UGP2: variants seen among roughly 807,000 people sequenced by gnomAD.
UGP2 encodes the protein UDP-glucose pyrophosphorylase 2.
Under a neutral mutation model 49.0 loss-of-function variants are expected in UGP2, and 40 were observed. The observed-to-expected ratio is 0.82, with a 90% CI of 0.63 to 1.06. The LOEUF is 1.06. Among genes scored for constraint, UGP2 ranks in the 50% least tolerant of loss-of-function variants. The pLI is 0.00. For missense variants in UGP2, 460 were observed against 603.5 expected (o/e 0.76, Z 2.49); for synonymous variants, 225 against 213.0 (o/e 1.06, Z -0.49).
chr2:63,864,827 C>T (rs1270191492), intron 3 of UGP2, among the ~76,000 whole-genome samples: 2 of 152,122 alleles, frequency 1.3e-5, no homozygotes, highest in Non-Finnish European at 1.5e-5. Context: ...GTTCTTCCCA[C>T]GATACATTTA....
intron 3 of UGP2, among the ~76,000 whole-genome samples, chr2:63,861,554 G>A (rs1453388772): frequency 6.6e-6 from 1 of 151,214 alleles, no homozygotes; most frequent in Non-Finnish European, 1.5e-5. Context: ...TGTGCATGGT[G>A]GCATCTACCT....
chr2:63,856,451 G>T lies in UGP2; in HGVS notation c.147+18G>T. 6.2e-7 allele frequency: 1 copy of T among 1,604,936 alleles called. No individual in the cohort carries two copies. The highest frequency in any genetic ancestry group is 8.5e-7 in the Non-Finnish European group (1 of 1,178,622). Reference sequence around the variant, plus strand: ...AATTTGAGGTAAGGAGGTTTCTACAGTGTTCCACCCCCCCGCCCCTCCCTT... The same window carrying T: ...AATTTGAGGTAAGGAGGTTTCTACATTGTTCCACCCCCCCGCCCCTCCCTT... On this transcript the variant is annotated intron_variant, in intron 2 of 9. Coordinates refer to ENST00000337130, the MANE Select transcript of UGP2 (RefSeq NM_006759.4).
At chr2:63,853,006 A>G (rs148643731) in intron 1 of UGP2, among the ~76,000 whole-genome samples, 1,570 of 152,278 alleles carry the variant, frequency 0.01, 5 homozygotes, top group Non-Finnish European at 0.017. Context: ...GAGCTCAGGA[A>G]AAAAGTTTAG....
At chr2:63,880,663 C>G (rs1575847062) in intron 3 of UGP2, among the ~76,000 whole-genome samples, 2 of 152,278 alleles carry the variant, frequency 1.3e-5, no homozygotes, top group South Asian at 4.1e-4. Context: ...GCAGTAGAGT[C>G]AAATGAAAAC....
At chr2:63,860,229 T>C (rs1253307572) in intron 3 of UGP2, among the ~76,000 whole-genome samples, 1 of 152,232 alleles carries the variant, frequency 6.6e-6, no homozygotes, top group African/African-American at 2.4e-5. Flanking sequence ...ATGTCAGCCT[T>C]ATATCAAAGG....
intron 1 of UGP2, 171 bp from the exon 2 acceptor site, chr2:63,856,135 A>G (rs1347520115): frequency 5.9e-6 from 4 of 674,604 alleles, no homozygotes. Context: ...ATGAAACTGG[A>G]GTGAAACGAG....
rs187089418 is a variant in UGP2 at position 63,879,482 on chromosome 2, C to A, written c.256-2984C>A. Among the ~76,000 whole-genome samples the A allele has an allele frequency of 1.1e-3, 164 of 152,236 alleles. 1 individual carries two copies. Among genetic ancestry groups the A allele is most frequent in the Admixed American group, 2.9e-3 (44 of 15,296 alleles). On this transcript the variant is annotated intron_variant, in intron 3 of 9. Coordinates refer to ENST00000337130, the MANE Select transcript of UGP2 (RefSeq NM_006759.4). ...TATTTGAAATAGAATATTCAAATAA[C>A]AACAAACTCAATGATATCCCTTGTT...
chr2:63,864,996 C>G (rs1478933703), intron 3 of UGP2, among the ~76,000 whole-genome samples: 1 of 152,084 alleles, frequency 6.6e-6, no homozygotes, highest in East Asian at 1.9e-4. Flanking sequence ...GACTAATTTC[C>G]CATCACTGCT....
intron 3 of UGP2, among the ~76,000 whole-genome samples, chr2:63,878,283 CAT>C (rs1274031893): frequency 3.3e-5 from 5 of 152,178 alleles, no homozygotes; most frequent in Non-Finnish European, 1.5e-5. Context: ...CCTCTTAGCT[CAT>C]AGCCAGCAGG....
rs976207044 is a variant in UGP2, at chr2:63,886,511, T to C, written c.1044T>C (p.Ile348=). 5 of 1,614,178 alleles carry C rather than the reference T, an allele frequency of 3.1e-6. No homozygotes were observed. Among genetic ancestry groups the C allele is most frequent in the South Asian group, 1.1e-5 (1 of 91,090 alleles). Residue 348 remains isoleucine (I), a synonymous_variant, in exon 7 of 10, where the codon ATT becomes ATC. Coordinates refer to ENST00000337130, the MANE Select transcript of UGP2 (RefSeq NM_006759.4). ...AVKRLQEQNA[I]DMEIIVNAKT... is the part of the protein sequence containing the mutation. ...AAAGACTGCAGGAGCAAAATGCCAT[T>C]GACATGGAAATCATTGTGAATGCAA...
chr2:63,846,943 T>G (rs1671974925), intron 1 of UGP2, among the ~76,000 whole-genome samples: 1 of 152,198 alleles, frequency 6.6e-6, no homozygotes, highest in Non-Finnish European at 1.5e-5. Context: ...CAGTCACAGT[T>G]ATAAATGTAA....
rs1333754807 is a variant in UGP2 at position 63,886,515 on chromosome 2, A to G, written c.1048A>G (p.Met350Val). The G allele has an allele frequency of 6.2e-7, 1 of 1,614,010 alleles. No homozygotes were observed. The highest frequency in any genetic ancestry group is 1.3e-5 in the African/African-American group (1 of 74,934). ...KRLQEQNAID[M>V]EIIVNAKTLD... ...ACTGCAGGAGCAAAATGCCATTGACATGGAAATCATTGTGAATGCAAAGGT... is the reference window on the plus strand; with the variant it reads ...ACTGCAGGAGCAAAATGCCATTGACGTGGAAATCATTGTGAATGCAAAGGT... Residue 350 changes from methionine to valine, a missense_variant, in exon 7 of 10, where the codon ATG (methionine) becomes GTG (valine). This residue lies in a region of UGP2 where 317 missense variants were observed against 473.0 expected (regional missense o/e 0.67). Coordinates refer to ENST00000337130, the MANE Select transcript of UGP2 (RefSeq NM_006759.4).
intron 3 of UGP2, among the ~76,000 whole-genome samples, chr2:63,874,687 G>A (rs771732212): frequency 6.6e-6 from 1 of 152,026 alleles, no homozygotes; most frequent in Admixed American, 6.5e-5. Context: ...TTGGGTCATG[G>A]GAACGGATCC....
chr2:63,881,693 G>C (rs1164875610), intron 3 of UGP2, among the ~76,000 whole-genome samples: 2 of 152,226 alleles, frequency 1.3e-5, no homozygotes, highest in Non-Finnish European at 2.9e-5. Context: ...TAAGGGAGAA[G>C]TTATAGATTA....
At chr2:63,875,281 C>T (rs1670838309) in intron 3 of UGP2, among the ~76,000 whole-genome samples, 1 of 152,160 alleles carries the variant, frequency 6.6e-6, no homozygotes. Context: ...TTCAGGCAAA[C>T]TTGCTTTTGT....
At chr2:63,842,678 CA>C in intron 1 of UGP2, 2 of 1,324,158 alleles carry the variant, frequency 1.5e-6, no homozygotes, top group Non-Finnish European at 2.0e-6. Flanking sequence ...GTTTGCGTCT[CA>C]GATTCACTTA....
chr2:63,878,787 A>G (rs932488246), intron 3 of UGP2, among the ~76,000 whole-genome samples: 4 of 152,120 alleles, frequency 2.6e-5, no homozygotes, highest in African/African-American at 4.8e-5. Flanking sequence ...GCTGTTCTCA[A>G]ACTCCTGGGC....
Position 63,890,116 on chromosome 2 carries a change from A to C in UGP2, c.1350A>C (p.Pro450=). 6.2e-7 allele frequency: 1 copy of C among 1,611,914 alleles called. No homozygotes were observed. The highest frequency in any genetic ancestry group is 8.5e-7 in the Non-Finnish European group (1 of 1,179,340). The change falls in exon 9 of 10, where the codon CCA becomes CCC. Residue 450 remains proline, a synonymous_variant. Transcript: ENST00000337130. ...QDYLRRFESI[P]DMLELDHLTV... is the part of the protein sequence containing the mutation. ...ATCTAAGAAGATTTGAAAGTATACC[A>C]GATATGCTTGAATTGGATCACCTCA...
rs1249915497 is a variant in UGP2 at position 63,891,115 on chromosome 2, CTT to C, written c.1420-4_1420-3del. ...GTACACTCTTTTGTTTTCCCTGTCA[CTT>C]AGGGAACGGTTATCATCATTGCAAA... On this transcript the variant is annotated splice_region_variant and splice_polypyrimidine_tract_variant and intron_variant, in intron 9 of 9. Coordinates refer to ENST00000337130, the MANE Select transcript of UGP2 (RefSeq NM_006759.4). The C allele has an allele frequency of 1.9e-6, 3 of 1,609,182 alleles. No homozygotes were observed. The African/African-American group carries it at 4.0e-5, about 22-fold the overall frequency.
Sources: allele counts gnomAD v4.1 joint callset (sites outside exome capture counted in the v4.1 genomes callset), GRCh38; gene constraint gnomAD v4.1.1; regional missense constraint gnomAD v4.1.1; transcripts MANE v1.5; gene names NCBI Gene and HGNC (gene_info 2026-07-23, HGNC 2026-07-21).